Variants in LOC128092252 observed in about 807,000 individuals in gnomAD.
At chr15:50,675,162 G>A in the LOC128092252 span, among the ~76,000 whole-genome samples, 1 of 152,100 alleles carries the variant, frequency 6.6e-6, no homozygotes, top group African/African-American at 2.4e-5. Context: ...GGCCAACATG[G>A]TGAAACCCAG....
At chr15:50,655,860 T>C in the LOC128092252 span, among the ~76,000 whole-genome samples, 1 of 151,986 alleles carries the variant, frequency 6.6e-6, no homozygotes, top group African/African-American at 2.4e-5. Flanking sequence ...CATGGTGGTG[T>C]GTGCCTGTAA....
At chr15:50,652,300 T>C in the LOC128092252 span, among the ~76,000 whole-genome samples, 33 of 114,760 alleles carry the variant, frequency 2.9e-4, no homozygotes, top group African/African-American at 1.1e-3. Flanking sequence ...GCCACTGCAC[T>C]GCAGCCTGGC....
the LOC128092252 span, chr15:50,663,009 C>A: frequency 6.2e-7 from 1 of 1,613,822 alleles, no homozygotes; most frequent in Non-Finnish European, 8.5e-7. Flanking sequence ...TACACATTCC[C>A]TCTTGGTCAA....
At chr15:50,681,868 A>G in the LOC128092252 span, among the ~76,000 whole-genome samples, 1 of 152,178 alleles carries the variant, frequency 6.6e-6, no homozygotes, top group African/African-American at 2.4e-5. Context: ...TTTGCCTTTT[A>G]CAGATTGAGA....
chr15:50,654,691 T>C, the LOC128092252 span, among the ~76,000 whole-genome samples: 8 of 151,004 alleles, frequency 5.3e-5, no homozygotes, highest in African/African-American at 1.9e-4. Flanking sequence ...AAAAATGTAA[T>C]GTATGAAATG....
At chr15:50,679,144 T>C in the LOC128092252 span, among the ~76,000 whole-genome samples, 455 of 143,156 alleles carry the variant, frequency 3.2e-3, 5 homozygotes, top group African/African-American at 0.011. Context: ...AGTGCTGGGA[T>C]TACAGGCATT....
chr15:50,674,868 A>T, the LOC128092252 span, among the ~76,000 whole-genome samples: 19 of 152,138 alleles, frequency 1.2e-4, no homozygotes, highest in Admixed American at 9.2e-4. Context: ...CCTCTACTAC[A>T]TCCCATAGTT....
the LOC128092252 span, among the ~76,000 whole-genome samples, chr15:50,664,119 A>G: frequency 2.6e-5 from 4 of 151,934 alleles, no homozygotes; most frequent in Admixed American, 6.6e-5. Flanking sequence ...CCAACATGGT[A>G]AAACCCCGTC....
the LOC128092252 span, among the ~76,000 whole-genome samples, chr15:50,659,685 T>TC: frequency 2.0e-5 from 3 of 151,960 alleles, no homozygotes; most frequent in African/African-American, 7.2e-5. Flanking sequence ...CTTTTTTTTT[T>TC]GAGATGGAGT....
the LOC128092252 span, among the ~76,000 whole-genome samples, chr15:50,685,521 T>C: frequency 1.3e-5 from 2 of 152,216 alleles, no homozygotes; most frequent in Admixed American, 6.5e-5. Flanking sequence ...ATTCAAAGTA[T>C]TACTACATTT....
the LOC128092252 span, chr15:50,686,526 A>C: frequency 6.2e-7 from 1 of 1,612,470 alleles, no homozygotes. Context: ...GCGTGGGTCC[A>C]GTACCATTCT....
chr15:50,653,663 C>T, the LOC128092252 span, among the ~76,000 whole-genome samples: 1 of 151,912 alleles, frequency 6.6e-6, no homozygotes, highest in African/African-American at 2.4e-5. Flanking sequence ...AGACACTGGG[C>T]CAAGCAAGGA....
chr15:50,657,922 T>C, the LOC128092252 span: 2 of 785,280 alleles, frequency 2.5e-6, no homozygotes, highest in South Asian at 3.8e-5. Context: ...ATTATATACC[T>C]AGTTTAATTT....
At chr15:50,661,749 G>A in the LOC128092252 span, among the ~76,000 whole-genome samples, 2 of 152,246 alleles carry the variant, frequency 1.3e-5, no homozygotes, top group African/African-American at 4.8e-5. Flanking sequence ...TAAATGGGTA[G>A]AGAACACAGT....
the LOC128092252 span, among the ~76,000 whole-genome samples, chr15:50,683,552 T>C: frequency 1.3e-5 from 2 of 151,754 alleles, no homozygotes; most frequent in East Asian, 1.9e-4. Flanking sequence ...CTGGCCAACA[T>C]GGCAAACCCT....
chr15:50,666,829 G>A, the LOC128092252 span, among the ~76,000 whole-genome samples: 1 of 152,044 alleles, frequency 6.6e-6, no homozygotes, highest in Non-Finnish European at 1.5e-5. Context: ...CGGTGGAGGT[G>A]GCAGCACAAG....
At chr15:50,678,252 C>A in the LOC128092252 span, among the ~76,000 whole-genome samples, 48,128 of 107,376 alleles carry the variant, frequency 0.45, 11,815 homozygotes, top group Non-Finnish European at 0.53. Flanking sequence ...AAAAAAAAAA[C>A]AAAAACAAAA....
At chr15:50,661,197 G>A in the LOC128092252 span, among the ~76,000 whole-genome samples, 3 of 151,842 alleles carry the variant, frequency 2.0e-5, no homozygotes, top group Non-Finnish European at 2.9e-5. Flanking sequence ...GGCTGGTCTC[G>A]AACTCCTGAC....
the LOC128092252 span, among the ~76,000 whole-genome samples, chr15:50,683,437 TAA>T: frequency 2.1e-5 from 3 of 144,068 alleles, no homozygotes; most frequent in African/African-American, 2.5e-5. Context: ...TCTTAACATT[TAA>T]AAAAAAAAAA....
Sources: gnomAD v4.1 joint callset for allele counts (sites outside exome capture counted in the v4.1 genomes callset) on GRCh38, gnomAD v4.1.1 for gene constraint, MANE v1.5 for transcripts.